ADTRP: variants seen among roughly 807,000 people sequenced by gnomAD.
ADTRP encodes androgen-dependent TFPI-regulating protein.
ADTRP carries 20 observed loss-of-function variants against 27.0 expected under a neutral mutation model. The observed-to-expected ratio is 0.74, with a 90% confidence interval of 0.52 to 1.08. ADTRP has a LOEUF of 1.08. Among genes scored for constraint, ADTRP ranks in the 50% least tolerant of loss-of-function variants. The pLI is 0.00. For missense variants in ADTRP, 251 were observed against 275.0 expected (o/e 0.91, Z 0.62); for synonymous variants, 101 against 105.2 (o/e 0.96, Z 0.25).
intron 4 of ADTRP, among the ~76,000 whole-genome samples, chr6:11,733,604 C>T (rs936957739): frequency 2.0e-5 from 3 of 152,352 alleles, no homozygotes; most frequent in Admixed American, 2.0e-4. Context: ...TCCTATCACC[C>T]TGTCTCCCAC....
chr6:11,750,248 A>G (rs962218346), intron 3 of ADTRP, among the ~76,000 whole-genome samples: 15 of 152,252 alleles, frequency 9.9e-5, no homozygotes, highest in African/African-American at 3.6e-4. Context: ...CCTGGGACAG[A>G]CCTGAGAGTT....
chr6:11,760,939 T>A (rs1763373652), intron 3 of ADTRP, among the ~76,000 whole-genome samples: 1 of 152,204 alleles, frequency 6.6e-6, no homozygotes. Context: ...TGACTTTCTA[T>A]CATACTCAGA....
At chr6:11,717,340 G>C (rs3765253) in intron 5 of ADTRP, 59,396 of 1,304,022 alleles carry the variant, frequency 0.046, 4,993 homozygotes, top group African/African-American at 0.28. Context: ...TGCTTGGCTG[G>C]TGACTTCCAA....
intron 3 of ADTRP, among the ~76,000 whole-genome samples, chr6:11,743,922 A>G (rs1320654822): frequency 1.3e-5 from 2 of 152,168 alleles, no homozygotes; most frequent in Non-Finnish European, 2.9e-5. Context: ...TCACAGCTGT[A>G]AATGGCACGC....
intron 3 of ADTRP, among the ~76,000 whole-genome samples, chr6:11,746,625 T>C (rs983986993): frequency 6.6e-6 from 1 of 152,166 alleles, no homozygotes; most frequent in Non-Finnish European, 1.5e-5. Context: ...TTTGCAAGGC[T>C]GATTGACAAG....
chr6:11,725,942 A>G lies in ADTRP; in HGVS notation c.507-2442T>C, dbSNP rs1186723007. ...GAATTGAAAACAGGGATCTGAAGAG[A>G]TATTTGTACACCCATGTTTATAGCA... On this transcript the variant is annotated intron_variant, in intron 4 of 5. Transcript: ENST00000414691. Among the ~76,000 whole-genome samples, 4 of 150,948 alleles carry G rather than the reference A, an allele frequency of 2.6e-5. No homozygotes were observed. In the East Asian group the frequency reaches 5.9e-4, roughly 22 times the overall value.
intron 4 of ADTRP, among the ~76,000 whole-genome samples, chr6:11,734,726 C>T (rs553836635): frequency 3.3e-5 from 5 of 150,918 alleles, no homozygotes; most frequent in East Asian, 2.0e-4. Flanking sequence ...TCTCTCTCTG[C>T]GCTTCCATCC....
chr6:11,719,187 G>T (rs1160309473), intron 5 of ADTRP, among the ~76,000 whole-genome samples: 1 of 152,188 alleles, frequency 6.6e-6, no homozygotes, highest in Non-Finnish European at 1.5e-5. Context: ...AGGGTCCTGA[G>T]ATGTAATAGA....
chr6:11,714,265 T>A lies in ADTRP; in HGVS notation c.*213A>T. The A allele has an allele frequency of 3.6e-6, 2 of 557,984 alleles. No homozygotes were observed. The allele number at this position is 557,984 out of a possible 1,614,324, so 34.6% of individuals were successfully genotyped here. ...ATAATTAATTCTGAGATAGCAGGAG[T>A]TGTTTTTGGCATGTGCAGTCAACCT... On this transcript the variant is annotated 3_prime_UTR_variant, in exon 6 of 6. Transcript: ENST00000414691.
chr6:11,765,343 T>TTTTG, intron 3 of ADTRP, among the ~76,000 whole-genome samples: 2 of 148,308 alleles, frequency 1.3e-5, no homozygotes, highest in African/African-American at 2.5e-5. Context: ...TTTTTTTTTT[T>TTTTG]TGAGGCAGAG....
intron 3 of ADTRP, among the ~76,000 whole-genome samples, chr6:11,746,777 G>C (rs1018579063): frequency 4.6e-5 from 7 of 152,148 alleles, no homozygotes; most frequent in Admixed American, 4.6e-4. Context: ...AAGCATGCAG[G>C]CCAGGCGCTT....
At chr6:11,758,437 C>T (rs1178360559) in intron 3 of ADTRP, among the ~76,000 whole-genome samples, 3 of 151,740 alleles carry the variant, frequency 2.0e-5, no homozygotes, top group Non-Finnish European at 4.4e-5. Context: ...AAGAAAGTGG[C>T]TTTTTTTTCA....
chr6:11,730,029 G>A lies in ADTRP; in HGVS notation c.506+5539C>T, dbSNP rs1202557450. Among the ~76,000 whole-genome samples the A allele has an allele frequency of 3.3e-5, 5 of 152,070 alleles. No homozygotes were observed. In the East Asian group the frequency reaches 9.6e-4, roughly 29 times the overall value. On this transcript the variant is annotated intron_variant, in intron 4 of 5. Transcript: ENST00000414691. ...GATTCTACAGTTTTACTCTCTTCAT[G>A]CCGTTATTATTTCTGATTTCTGTTA...
intron 3 of ADTRP, among the ~76,000 whole-genome samples, chr6:11,737,267 C>A (rs1483879429): frequency 6.6e-6 from 1 of 152,104 alleles, no homozygotes; most frequent in Non-Finnish European, 1.5e-5. Flanking sequence ...CTCCTGCTTG[C>A]CAATTTCCTC....
At chr6:11,715,906 C>T (rs889255832) in intron 5 of ADTRP, among the ~76,000 whole-genome samples, 19 of 143,044 alleles carry the variant, frequency 1.3e-4, no homozygotes, top group African/African-American at 4.8e-4. Context: ...GGCCTCACCA[C>T]AAGGGATCCT....
Position 11,714,146 on chromosome 6 carries a change from CCTCT to C in ADTRP, c.*328_*331del. 3.5e-6 allele frequency: 1 copy of C among 281,868 alleles called. No individual in the cohort carries two copies. Among genetic ancestry groups the C allele is most frequent in the Non-Finnish European group, 6.6e-6 (1 of 150,664 alleles). 17.5% of individuals were successfully genotyped at this position (281,868 alleles called of 1,614,324 possible). A position where few individuals can be genotyped will look rare whatever the true frequency, so the allele number is the denominator to read the frequency against. On this transcript the variant is annotated 3_prime_UTR_variant, in exon 6 of 6. Transcript: ENST00000414691. ...TGAAGAGTTTAAATGACTCTAAGTT[CCTCT>C]CTCTCTCTCTAGATGTTCTCTAACA...
chr6:11,764,419 C>T (rs1763487906), intron 3 of ADTRP, among the ~76,000 whole-genome samples: 1 of 152,156 alleles, frequency 6.6e-6, no homozygotes, highest in African/African-American at 2.4e-5. Flanking sequence ...GTGCATTTGG[C>T]ACCACATAAA....
intron 3 of ADTRP, among the ~76,000 whole-genome samples, chr6:11,741,713 A>ATT (rs71312624): frequency 7.7e-6 from 1 of 129,134 alleles, no homozygotes; most frequent in African/African-American, 3.1e-5. Context: ...TAAGGATAAG[A>ATT]TTTTTTTTAA....
At chr6:11,715,648 C>CA (rs1209016026) in intron 5 of ADTRP, among the ~76,000 whole-genome samples, 39 of 121,144 alleles carry the variant, frequency 3.2e-4, no homozygotes, top group African/African-American at 1.3e-3. Context: ...CTGTTTTTCC[C>CA]TTTTTTTTTT....
Sources: gnomAD v4.1 joint callset for allele counts (sites outside exome capture counted in the v4.1 genomes callset) on GRCh38, gnomAD v4.1.1 for gene constraint, MANE v1.5 for transcripts, NCBI Gene and HGNC (gene_info 2026-07-23, HGNC 2026-07-21) for gene names.